Variants in KRT20 observed in about 807,000 individuals in gnomAD.
The protein encoded by KRT20 is keratin 20.
Under a neutral mutation model 43.0 loss-of-function variants are expected in KRT20, and 41 were observed. The observed-to-expected ratio is 0.95, with a 90% confidence interval of 0.74 to 1.24. KRT20 has a LOEUF of 1.24. KRT20 is among the 50% of genes most tolerant of loss of function. KRT20 has a pLI of 0.00. For synonymous variants in KRT20, 207 were observed against 200.6 expected, an observed-to-expected ratio of 1.03 and a Z score of -0.27; for missense variants, 533 against 521.2, an observed-to-expected ratio of 1.02 and a Z score of -0.22.
chr17:40,885,140 A>G lies in KRT20; in HGVS notation c.46T>C (p.Leu16=). Reference sequence around the variant, plus strand: ...ACTGTACTGACTACAGGGGCCTGCAAGGAGGAGCTCAGGCTTCTGTGGAAG... The same window carrying G: ...ACTGTACTGACTACAGGGGCCTGCAGGGAGGAGCTCAGGCTTCTGTGGAAG... ...RSFHRSLSSS[L]QAPVVSTVGM... is the part of the protein sequence containing the mutation. Residue 16 remains leucine (L), a synonymous_variant, in exon 1 of 8, where the codon TTG becomes CTG. Transcript: ENST00000167588. 6.2e-7 allele frequency: 1 copy of G among 1,611,998 alleles called. No individual in the cohort carries two copies. The highest frequency in any genetic ancestry group is 8.5e-7 in the Non-Finnish European group (1 of 1,179,184).
chr17:40,882,507 G>T, intron 2 of KRT20, 65 bp downstream of exon 2: 1 of 763,066 alleles, frequency 1.3e-6, no homozygotes, highest in Non-Finnish European at 2.1e-6. Flanking sequence ...GGAAAGCTGA[G>T]TATCTGGAAG....
chr17:40,878,028 G>T, intron 6 of KRT20, 117 bp downstream of exon 6: 1 of 856,322 alleles, frequency 1.2e-6, no homozygotes, highest in Non-Finnish European at 1.9e-6. Context: ...AGGCATGTGT[G>T]AGTATAATTG....
Position 40,881,227 on chromosome 17 carries a change from C to CTGTG in KRT20, c.474-461_474-458dup, listed in dbSNP as rs34632722. ...CCTCCTCTACAATCTTACATACACACTGTGTGTGTGTGTGTGTGTGTGTGT... is the reference window on the plus strand; with the variant it reads ...CCTCCTCTACAATCTTACATACACACTGTGTGTGTGTGTGTGTGTGTGTGTGTGT... On this transcript the variant is annotated intron_variant, in intron 2 of 7. Coordinates refer to ENST00000167588, the MANE Select transcript of KRT20 (RefSeq NM_019010.3). Among the ~76,000 whole-genome samples the CTGTG allele has an allele frequency of 3.3e-3, 476 of 145,738 alleles. 1 individual carries two copies. Among genetic ancestry groups the CTGTG allele is most frequent in the South Asian group, 7.3e-3 (32 of 4,386 alleles).
rs537603942 is a variant in KRT20, at chr17:40,882,856, T to C, written c.391-202A>G. Among the ~76,000 whole-genome samples the C allele has an allele frequency of 4.3e-3, 655 of 152,176 alleles. 2 individuals carry two copies. Among genetic ancestry groups the C allele is most frequent in the Non-Finnish European group, 6.9e-3 (471 of 67,990 alleles). ...TCCCGAGTAGCTGGGGTTACAGGCATCCGCCACCATGCCCGGCTAATTTTT... is the reference window on the plus strand; with the variant it reads ...TCCCGAGTAGCTGGGGTTACAGGCACCCGCCACCATGCCCGGCTAATTTTT... On this transcript the variant is annotated intron_variant, in intron 1 of 7. Transcript: ENST00000167588.
rs1907700331 is a variant in KRT20, at chr17:40,883,866, A to G, written c.390+930T>C. Reference sequence around the variant, plus strand: ...TGCTTCACATGCCCATAGTTTCTAAAATTCCAAAGTAACTTCCCATGGAGT... The same window carrying G: ...TGCTTCACATGCCCATAGTTTCTAAGATTCCAAAGTAACTTCCCATGGAGT... On this transcript the variant is annotated intron_variant, in intron 1 of 7. Transcript: ENST00000167588. 2.0e-5 allele frequency among the ~76,000 whole-genome samples: 3 copies of G among 152,334 alleles called. No individual in the cohort carries two copies. The South Asian group carries it at 6.2e-4, about 32-fold the overall frequency.
intron 7 of KRT20, 54 bp downstream of exon 7, chr17:40,877,326 G>T: frequency 1.6e-6 from 2 of 1,270,442 alleles, no homozygotes; most frequent in Non-Finnish European, 2.2e-6. Flanking sequence ...GTGGCATGTA[G>T]TTAATAGAAA....
intron 2 of KRT20, among the ~76,000 whole-genome samples, chr17:40,881,415 A>T (rs561524099): frequency 3.0e-4 from 45 of 151,804 alleles, no homozygotes; most frequent in Admixed American, 1.8e-3. Flanking sequence ...TGCCCAGCTA[A>T]TTTTTTTTGT....
rs531816655 is a variant in KRT20, at chr17:40,880,139, C to A, written c.753G>T (p.Gln251His). The part of the protein sequence containing the change: ...EMRQKYEVMA[Q>H]KNLQEAKEQF... ...GTTCTTTGGCCTCTTGAAGGTTCTT[C>A]TGGGCCATGACTTCATACTTCTGCC... The change falls in exon 4 of 8, where the codon CAG becomes CAT. Residue 251 changes from glutamine to histidine, a missense_variant. Transcript: ENST00000167588. 6.2e-7 allele frequency: 1 copy of A among 1,614,134 alleles called. No homozygotes were observed. The highest frequency in any genetic ancestry group is 2.2e-5 in the East Asian group (1 of 44,876).
chr17:40,881,878 C>CTTT (rs1361547525), intron 2 of KRT20, among the ~76,000 whole-genome samples: 2 of 74,750 alleles, frequency 2.7e-5, no homozygotes, highest in Admixed American at 1.4e-4. Context: ...TTTCTTTCTT[C>CTTT]CTTTTTTTTT....
intron 1 of KRT20, among the ~76,000 whole-genome samples, chr17:40,884,355 A>G (rs1438884591): frequency 6.6e-6 from 1 of 152,232 alleles, no homozygotes; most frequent in Non-Finnish European, 1.5e-5. Flanking sequence ...ACAGTATTCT[A>G]ATAGTCATAT....
Position 40,879,827 on chromosome 17 carries a change from A to C in KRT20, c.904T>G (p.Ser302Ala). ...ATATGCTTTACCATGCTGAGATGGGACTGGAGTTCTATCTCAAGGCTCTGG... is the reference window on the plus strand; with the variant it reads ...ATATGCTTTACCATGCTGAGATGGGCCTGGAGTTCTATCTCAAGGCTCTGG... ...TSQSLEIELQSHLSMKESLEH... is the reference protein window; with the variant it reads ...TSQSLEIELQAHLSMKESLEH... Residue 302 changes from serine (S) to alanine (A), a missense_variant, in exon 5 of 8, where the codon TCC becomes GCC. Physicochemically the swap from Ser to Ala is moderately conservative, Grantham distance 99. Coordinates refer to ENST00000167588, the MANE Select transcript of KRT20 (RefSeq NM_019010.3). 1.9e-6 allele frequency: 3 copies of C among 1,612,918 alleles called. No homozygotes were observed. Among genetic ancestry groups the C allele is most frequent in the Non-Finnish European group, 2.5e-6 (3 of 1,179,818 alleles).
rs1907395817 is a variant in KRT20 at position 40,877,391 on chromosome 17, A to G, written c.1166T>C (p.Leu389Pro). The part of the protein sequence containing the change: ...VKTTEYQLST[L>P]EERDIKKTRK... ...AATTTAGAACTTACCTCTCTCTTCC[A>G]GGGTGCTTAACTGATATTCTGTAGT... Residue 389 changes from leucine (L) to proline (P), a missense_variant, in exon 7 of 8, where the codon CTG becomes CCG. Physicochemically the swap from Leu to Pro is moderately conservative, Grantham distance 98. Coordinates refer to ENST00000167588, the MANE Select transcript of KRT20 (RefSeq NM_019010.3). The G allele has an allele frequency of 6.5e-7, 1 of 1,530,920 alleles. No homozygotes were observed. Among genetic ancestry groups the G allele is most frequent in the Non-Finnish European group, 8.7e-7 (1 of 1,148,246 alleles). 94.8% of individuals were successfully genotyped at this position (1,530,920 alleles called of 1,614,324 possible).
chr17:40,876,467 A>G lies in KRT20; in HGVS notation c.1178-9T>C. ...CCTGGTTTTCTTTATATCTGAATTC[A>G]TATTAAACATTAAATGTTAATTCAG... On this transcript the variant is annotated splice_polypyrimidine_tract_variant and intron_variant, in intron 7 of 7. Transcript: ENST00000167588. 1 of 1,511,732 alleles carries G rather than the reference A, an allele frequency of 6.6e-7. No individual in the cohort carries two copies. The highest frequency in any genetic ancestry group is 1.1e-5 in the South Asian group (1 of 88,356). 93.6% of individuals were successfully genotyped at this position (1,511,732 alleles called of 1,614,324 possible). A position where few individuals can be genotyped will look rare whatever the true frequency, so the allele number is the denominator to read the frequency against.
At chr17:40,879,966 A>T (rs1403760079) in intron 4 of KRT20, 28 bp from the exon 5 acceptor site, 2 of 1,604,176 alleles carry the variant, frequency 1.2e-6, no homozygotes, top group Non-Finnish European at 1.7e-6. Context: ...AAAAAAAAAT[A>T]GTTGAGGGGT....
At chr17:40,882,686 C>A in intron 1 of KRT20, 32 bp from the exon 2 acceptor site, 3 of 690,014 alleles carry the variant, frequency 4.3e-6, no homozygotes, top group Admixed American at 3.5e-5. Flanking sequence ...ATGACATTTT[C>A]TTTTTTATTT....
rs986377839 is a variant in KRT20 at position 40,877,301 on chromosome 17, C to CTTTACTT, written c.1177+72_1177+78dup. ...CAGAAAACAGACTAAAACAGCCTCA[C>CTTTACTT]TTTACTTTTTATCAGTGGCATGTAG... is the stretch of plus-strand genomic sequence containing the variant. On this transcript the variant is annotated intron_variant, in intron 7 of 7. Coordinates refer to ENST00000167588, the MANE Select transcript of KRT20 (RefSeq NM_019010.3). The CTTTACTT allele has an allele frequency of 7.1e-6, 7 of 980,774 alleles. No individual in the cohort carries two copies. In the Admixed American group the frequency reaches 1.3e-4, roughly 19 times the overall value. The allele number at this position is 980,774 out of a possible 1,614,324, so 60.8% of individuals were successfully genotyped here. A position where few individuals can be genotyped will look rare whatever the true frequency, so the allele number is the denominator to read the frequency against.
intron 1 of KRT20, among the ~76,000 whole-genome samples, chr17:40,884,272 C>T (rs1907713973): frequency 6.6e-6 from 1 of 152,100 alleles, no homozygotes; most frequent in South Asian, 2.1e-4. Context: ...CTTAAAAATC[C>T]AGGCATCATT....
At chr17:40,880,873 G>C (rs1907567136) in intron 2 of KRT20, 103 bp from the exon 3 acceptor site, 2 of 817,034 alleles carry the variant, frequency 2.4e-6, no homozygotes, top group Admixed American at 5.6e-5. Flanking sequence ...CTTATGAGGA[G>C]ATCAATTTCA....
At position 40,878,377 on chromosome 17, in the gene KRT20, A is replaced by G; in HGVS notation, c.919-12T>C. The stretch of plus-strand genomic sequence containing the variant: ...TCCAAAGACTCTTTCTATGAGCACA[A>G]GAAAAATAGGGCACTTCTTATGTGA... On this transcript the variant is annotated splice_polypyrimidine_tract_variant and intron_variant, in intron 5 of 7. Transcript: ENST00000167588. 1.3e-6 allele frequency: 2 copies of G among 1,596,460 alleles called. No homozygotes were observed. The highest frequency in any genetic ancestry group is 2.2e-5 in the East Asian group (1 of 44,734).
Sources: allele counts gnomAD v4.1 joint callset (sites outside exome capture counted in the v4.1 genomes callset), GRCh38; gene constraint gnomAD v4.1.1; transcripts MANE v1.5; gene names NCBI Gene and HGNC (gene_info 2026-07-23, HGNC 2026-07-21).